Variants in LARP4B observed in about 807,000 individuals in gnomAD.
The protein encoded by LARP4B is la-related protein 4B.
Under a neutral mutation model 89.8 loss-of-function variants are expected in LARP4B, and 12 were observed. The observed-to-expected ratio is 0.13, with a 90% CI of 0.09 to 0.22. The LOEUF (loss-of-function observed/expected upper bound fraction) is 0.22. Among genes scored for constraint, LARP4B ranks in the 10% least tolerant of loss-of-function variants. LARP4B has a pLI of 1.00. For missense variants in LARP4B, 757 were observed against 947.7 expected (o/e 0.80, Z 2.64); for synonymous variants, 367 against 363.3 (o/e 1.01, Z -0.12).
At chr10:893,323 T>C (rs1289879724) in intron 1 of LARP4B, among the ~76,000 whole-genome samples, 1 of 152,202 alleles carries the variant, frequency 6.6e-6, no homozygotes, top group East Asian at 1.9e-4. Flanking sequence ...TATACATGCC[T>C]ACACATATTC....
intron 5 of LARP4B, among the ~76,000 whole-genome samples, chr10:849,616 T>C (rs1284182645): frequency 1.3e-5 from 2 of 152,188 alleles, no homozygotes; most frequent in Non-Finnish European, 2.9e-5. Flanking sequence ...ACTCCTTAAG[T>C]GTGGGCTGTA....
At position 811,096 on chromosome 10, in the gene LARP4B, T is replaced by C. The variant is rs1479632437; in HGVS notation, c.*1830A>G. ...CATTTACATACATTTTAAAAGAGTATGAAAACATCTGGAGGCTTTTAATAA... is the reference window on the plus strand; with the variant it reads ...CATTTACATACATTTTAAAAGAGTACGAAAACATCTGGAGGCTTTTAATAA... On this transcript the variant is annotated 3_prime_UTR_variant, in exon 18 of 18. Transcript: ENST00000316157. 1 of 152,642 alleles carries C rather than the reference T, an allele frequency of 6.6e-6. No homozygotes were observed. The highest frequency in any genetic ancestry group is 2.4e-5 in the African/African-American group (1 of 41,464). 9.5% of individuals were successfully genotyped at this position (152,642 alleles called of 1,614,324 possible).
rs777505612 is a variant in LARP4B at position 864,180 on chromosome 10, C to T, written c.232G>A (p.Gly78Ser). Reference sequence around the variant, plus strand: ...ACCTCCTCCCATGCAGCACTCACACCGTCAGCAGCACTGCTTGCTTCCAGA... The same window carrying T: ...ACCTCCTCCCATGCAGCACTCACACTGTCAGCAGCACTGCTTGCTTCCAGA... ...LHLEASSAAD[G>S]VSAAWEEVAG... The change falls in exon 4 of 18, where the codon GGT becomes AGT. Residue 78 changes from glycine to serine, a missense_variant. Gly to Ser is a moderately conservative substitution (Grantham distance 56). Coordinates refer to ENST00000316157, the MANE Select transcript of LARP4B (RefSeq NM_015155.3). 24 of 1,614,232 alleles carry T rather than the reference C, an allele frequency of 1.5e-5. No homozygotes were observed. Among genetic ancestry groups the T allele is most frequent in the East Asian group, 2.2e-5 (1 of 44,882 alleles).
At chr10:854,613 G>A (rs1341328193) in intron 5 of LARP4B, among the ~76,000 whole-genome samples, 2 of 151,762 alleles carry the variant, frequency 1.3e-5, no homozygotes, top group Non-Finnish European at 2.9e-5. Flanking sequence ...TAAACAGTAA[G>A]CTTAAAATAT....
chr10:984,588 C>A, the LARP4B span, among the ~76,000 whole-genome samples: 1 of 152,170 alleles, frequency 6.6e-6, no homozygotes, highest in African/African-American at 2.4e-5. Flanking sequence ...GAACGGAATT[C>A]TCACAGAAGA....
At chr10:926,167 G>A (rs1837128182) in intron 1 of LARP4B, among the ~76,000 whole-genome samples, 1 of 152,146 alleles carries the variant, frequency 6.6e-6, no homozygotes, top group African/African-American at 2.4e-5. Context: ...CTGGGCAGAG[G>A]TGACAAGCAT....
chr10:873,506 G>GT, intron 3 of LARP4B: 1 of 697,696 alleles, frequency 1.4e-6, no homozygotes, highest in Non-Finnish European at 1.8e-6. Flanking sequence ...CAGTGTTCCA[G>GT]TATTTCCCAA....
chr10:982,091 CTTTT>C, the LARP4B span, among the ~76,000 whole-genome samples: 210 of 134,124 alleles, frequency 1.6e-3, no homozygotes, highest in Admixed American at 3.5e-3. Context: ...CAACCTATAG[CTTTT>C]TTTTCTTTCT....
rs557490538 is a variant in LARP4B at position 844,879 on chromosome 10, G to T, written c.509+98C>A. ...TTCATATACATATATATGGATATGA[G>T]TAGATACTCCTTCATAAAATATCAC... On this transcript the variant is annotated intron_variant, in intron 6 of 17. Coordinates refer to ENST00000316157, the MANE Select transcript of LARP4B (RefSeq NM_015155.3). The T allele has an allele frequency of 3.0e-5, 25 of 823,824 alleles. No individual in the cohort carries two copies. In the African/African-American group the frequency reaches 3.6e-4, roughly 12 times the overall value. 51.0% of individuals were successfully genotyped at this position (823,824 alleles called of 1,614,324 possible). A position where few individuals can be genotyped will look rare whatever the true frequency, so the allele number is the denominator to read the frequency against.
At chr10:938,767 A>G in the LARP4B span, among the ~76,000 whole-genome samples, 1 of 152,328 alleles carries the variant, frequency 6.6e-6, no homozygotes, top group African/African-American at 2.4e-5. Context: ...TTAATTGGTA[A>G]ATCCGAGGGT....
chr10:964,779 G>A, the LARP4B span, among the ~76,000 whole-genome samples: 2 of 152,198 alleles, frequency 1.3e-5, no homozygotes, highest in Non-Finnish European at 2.9e-5. Context: ...GCTGACTGTG[G>A]GGTGCCGGGG....
chr10:929,999 G>A (rs554530540), intron 1 of LARP4B, among the ~76,000 whole-genome samples: 7 of 151,798 alleles, frequency 4.6e-5, no homozygotes, highest in African/African-American at 1.5e-4. Context: ...AATACAAGGA[G>A]AAAAAACTGA....
At chr10:870,393 T>A (rs1835141040) in intron 3 of LARP4B, among the ~76,000 whole-genome samples, 1 of 152,196 alleles carries the variant, frequency 6.6e-6, no homozygotes, top group African/African-American at 2.4e-5. Context: ...CTTGGTACAA[T>A]CGTGTCTTTG....
intron 3 of LARP4B, among the ~76,000 whole-genome samples, chr10:879,763 C>T (rs751762675): frequency 3.3e-5 from 5 of 150,778 alleles, no homozygotes; most frequent in African/African-American, 1.2e-4. Context: ...CCACTACATC[C>T]GGCCAAGTCT....
intron 1 of LARP4B, among the ~76,000 whole-genome samples, chr10:912,423 A>G (rs936558273): frequency 2.0e-5 from 3 of 152,134 alleles, no homozygotes; most frequent in South Asian, 2.1e-4. Context: ...CTTGATCTAG[A>G]TGCTCTGCCT....
At chr10:925,834 G>A (rs1265396636) in intron 1 of LARP4B, among the ~76,000 whole-genome samples, 2 of 152,126 alleles carry the variant, frequency 1.3e-5, no homozygotes, top group African/African-American at 2.4e-5. Context: ...GTGCCTGGCC[G>A]AAAGAGGGCA....
chr10:817,879 G>A lies in LARP4B; in HGVS notation c.1541C>T (p.Thr514Ile), dbSNP rs1832146470. 6.2e-7 allele frequency: 1 copy of A among 1,613,520 alleles called. No homozygotes were observed. Among genetic ancestry groups the A allele is most frequent in the South Asian group, 1.1e-5 (1 of 91,046 alleles). ...KREEKFTSSQ[T>I]QSPTPPKPPS... is the part of the protein sequence containing the mutation. ...AGGCTTTGGTGGCGTTGGAGACTGT[G>A]TCTGGCTGCTCTGCAACAGAATGAC... The change falls in exon 15 of 18, where the codon ACA becomes ATA. Residue 514 changes from threonine to isoleucine, a missense_variant. By Grantham distance (89) the Thr-to-Ile change is moderately conservative. Transcript: ENST00000316157.
intron 3 of LARP4B, chr10:873,438 A>T: frequency 3.1e-6 from 3 of 983,400 alleles, no homozygotes; most frequent in Non-Finnish European, 3.6e-6. Context: ...TAAACTCAAT[A>T]AAACATAACT....
At chr10:976,046 C>T in the LARP4B span, among the ~76,000 whole-genome samples, 4 of 110,314 alleles carry the variant, frequency 3.6e-5, no homozygotes, top group Non-Finnish European at 4.1e-5. Context: ...CGTGTGGACC[C>T]GGCCTAGTAG....
Sources: gnomAD v4.1 joint callset for allele counts (sites outside exome capture counted in the v4.1 genomes callset) on GRCh38, gnomAD v4.1.1 for gene constraint, MANE v1.5 for transcripts, NCBI Gene and HGNC (gene_info 2026-07-23, HGNC 2026-07-21) for gene names.